Variants in LRRC8A observed in about 807,000 individuals in gnomAD.
The protein encoded by LRRC8A is volume-regulated anion channel subunit LRRC8A.
In LRRC8A, 24 loss-of-function variants were observed where a neutral mutation model predicts 52.5. The observed-to-expected ratio is 0.46, with a 90% confidence interval of 0.33 to 0.64. The LOEUF is 0.64. Ranked by LOEUF, LRRC8A falls within the 30% of genes least tolerant of loss-of-function variation. The probability of loss-of-function intolerance (pLI) is 0.02; values close to 1 mark genes in which losing one functional copy is unlikely to be tolerated. For missense variants in LRRC8A, 677 were observed against 1,094.7 expected, an observed-to-expected ratio of 0.62 and a Z score of 5.38; for synonymous variants, 492 against 494.2, an observed-to-expected ratio of 1.00 and a Z score of 0.06.
intron 1 of LRRC8A, among the ~76,000 whole-genome samples, chr9:128,883,736 A>C (rs1458107145): frequency 6.6e-6 from 1 of 152,110 alleles, no homozygotes; most frequent in African/African-American, 2.4e-5. Flanking sequence ...GCACGTTGGG[A>C]GGCTGAAGCG....
In LRRC8A at chr9:128,908,549, C is replaced by T. The variant is rs766763754; in HGVS notation, c.1385C>T (p.Pro462Leu). 9.3e-6 allele frequency: 15 copies of T among 1,612,696 alleles called. No homozygotes were observed. Among genetic ancestry groups the T allele is most frequent in the South Asian group, 2.2e-5 (2 of 91,076 alleles). Residue 462 changes from proline (P) to leucine (L), a missense_variant, in exon 3 of 4, where the codon CCG becomes CTG. Physicochemically the swap from Pro to Leu is moderately conservative, Grantham distance 98 (BLOSUM62 -3). This residue lies in a region of LRRC8A where 422 missense variants were observed against 741.5 expected (regional missense o/e 0.57). Coordinates refer to ENST00000372600, the MANE Select transcript of LRRC8A (RefSeq NM_019594.4). ...GAGCTGATCCCCGACGTGACCATCC[C>T]GCCCAGCATTGCCCAGCTCACGGGC... Reference protein sequence around the residue: ...KLELIPDVTIPPSIAQLTGLK... With the variant: ...KLELIPDVTILPSIAQLTGLK...
chr9:128,908,745 G>A lies in LRRC8A; in HGVS notation c.1581G>A (p.Leu527=), dbSNP rs765931028. ...TLEELHLTGN[L]SAENNRYIVI... is the part of the protein sequence containing the mutation. ...AGGAGCTGCACCTGACGGGCAACCT[G>A]AGCGCGGAGAACAACCGCTACATCG... Residue 527 remains leucine, a synonymous_variant, in exon 3 of 4, where the codon CTG becomes CTA. Transcript: ENST00000372600. The A allele has an allele frequency of 7.4e-6, 12 of 1,613,128 alleles. No individual in the cohort carries two copies. Among genetic ancestry groups the A allele is most frequent in the Non-Finnish European group, 1.0e-5 (12 of 1,180,048 alleles).
chr9:128,909,740 C>T (rs1343757120), intron 3 of LRRC8A, among the ~76,000 whole-genome samples: 3 of 152,196 alleles, frequency 2.0e-5, no homozygotes, highest in Non-Finnish European at 2.9e-5. Flanking sequence ...TTGTGTCTTC[C>T]TCAGCTTGTT....
chr9:128,882,428 G>A (rs1478752858), intron 1 of LRRC8A, 178 bp downstream of exon 1: 3 of 323,270 alleles, frequency 9.3e-6, no homozygotes, highest in Non-Finnish European at 1.7e-5. Flanking sequence ...CCAGTGCCCG[G>A]AGTCTCCGGG....
Position 128,914,755 on chromosome 9 carries a change from C to T in LRRC8A, c.2158-1341C>T, listed in dbSNP as rs73670001. ...CCATCCCATCTGAAGGAGGCAGCCT[C>T]GGGACGGGCAGGCTCAACTCATGGC... On this transcript the variant is annotated intron_variant, in intron 3 of 3. Transcript: ENST00000372600. Among the ~76,000 whole-genome samples, 1,231 of 152,316 alleles carry T rather than the reference C, an allele frequency of 8.1e-3. 12 individuals are homozygous for T. The highest frequency in any genetic ancestry group is 0.028 in the African/African-American group (1,182 of 41,570).
At chr9:128,914,034 G>A (rs1270696678) in intron 3 of LRRC8A, among the ~76,000 whole-genome samples, 4 of 152,178 alleles carry the variant, frequency 2.6e-5, no homozygotes, top group Non-Finnish European at 4.4e-5. Context: ...ATGAAACCCC[G>A]TCTCTGCAAA....
Position 128,909,285 on chromosome 9 carries a change from G to A in LRRC8A, c.2121G>A (p.Leu707=). Residue 707 remains leucine, a synonymous_variant, in exon 3 of 4, where the codon CTG becomes CTA. Transcript: ENST00000372600. The part of the protein sequence containing the change: ...LTFLPADIGL[L]QNLQNLAITA... ...TCCTCCCTGCCGACATCGGCCTCCTGCAGAACCTCCAGAACCTAGCCATCA... is the reference window on the plus strand; with the variant it reads ...TCCTCCCTGCCGACATCGGCCTCCTACAGAACCTCCAGAACCTAGCCATCA... 1.9e-6 allele frequency: 3 copies of A among 1,613,734 alleles called. No individual in the cohort carries two copies. In the South Asian group the frequency reaches 3.3e-5, roughly 18 times the overall value.
intron 2 of LRRC8A, among the ~76,000 whole-genome samples, chr9:128,887,218 G>T (rs1253703408): frequency 1.3e-5 from 2 of 152,070 alleles, no homozygotes; most frequent in Non-Finnish European, 2.9e-5. Flanking sequence ...GAGTGCAGTG[G>T]CACCATCATG....
chr9:128,910,515 A>T (rs1161667004), intron 3 of LRRC8A, among the ~76,000 whole-genome samples: 1 of 152,162 alleles, frequency 6.6e-6, no homozygotes, highest in Non-Finnish European at 1.5e-5. Flanking sequence ...CAACATAGGG[A>T]AACCCCATCT....
At chr9:128,884,746 C>T (rs1225963786) in intron 1 of LRRC8A, among the ~76,000 whole-genome samples, 2 of 152,086 alleles carry the variant, frequency 1.3e-5, no homozygotes, top group Non-Finnish European at 2.9e-5. Context: ...TCAGTGGGTG[C>T]CCCATCCTTG....
At chr9:128,913,548 C>T (rs1486200606) in intron 3 of LRRC8A, among the ~76,000 whole-genome samples, 1 of 152,030 alleles carries the variant, frequency 6.6e-6, no homozygotes, top group Non-Finnish European at 1.5e-5. Context: ...AGAGTACCTC[C>T]CCTTTTCTCT....
chr9:128,910,256 G>A (rs1840451791), intron 3 of LRRC8A, among the ~76,000 whole-genome samples: 1 of 152,232 alleles, frequency 6.6e-6, no homozygotes, highest in Admixed American at 6.5e-5. Context: ...GAGACATGTG[G>A]TGGAGGAAGC....
At chr9:128,901,505 C>T (rs917995058) in intron 2 of LRRC8A, among the ~76,000 whole-genome samples, 1 of 152,072 alleles carries the variant, frequency 6.6e-6, no homozygotes, top group Non-Finnish European at 1.5e-5. Context: ...TACATGCCTA[C>T]AGTCCAGCTA....
At chr9:128,910,813 G>A (rs768159868) in intron 3 of LRRC8A, among the ~76,000 whole-genome samples, 5 of 152,208 alleles carry the variant, frequency 3.3e-5, no homozygotes, top group South Asian at 2.1e-4. Context: ...TATAAAAAGC[G>A]TGCAGCTCAT....
At chr9:128,901,172 C>CA (rs891080446) in intron 2 of LRRC8A, among the ~76,000 whole-genome samples, 8 of 148,918 alleles carry the variant, frequency 5.4e-5, no homozygotes, top group South Asian at 4.3e-4. Context: ...GACTCCATCT[C>CA]AAAAAAAACA....
At position 128,908,604 on chromosome 9, in the gene LRRC8A, G is replaced by A. The variant is rs143120279; in HGVS notation, c.1440G>A (p.Ala480=). 1.1e-4 allele frequency: 180 copies of A among 1,612,524 alleles called. No individual in the cohort carries two copies. In the East Asian group the frequency reaches 3.0e-3, roughly 27 times the overall value. Residue 480 remains alanine, a synonymous_variant, in exon 3 of 4, where the codon GCG becomes GCA. Coordinates refer to ENST00000372600, the MANE Select transcript of LRRC8A (RefSeq NM_019594.4). ...AGGAGCTGTGGCTCTACCACACAGC[G>A]GCCAAGATTGAAGCGCCCGCGCTGG... is the stretch of plus-strand genomic sequence containing the variant. ...GLKELWLYHT[A]AKIEAPALAF... is the part of the protein sequence containing the mutation.
At chr9:128,900,346 G>T (rs1466204037) in intron 2 of LRRC8A, among the ~76,000 whole-genome samples, 1 of 152,238 alleles carries the variant, frequency 6.6e-6, no homozygotes, top group East Asian at 1.9e-4. Context: ...TTCACTAGGT[G>T]CTGAGGAGGT....
chr9:128,904,997 C>CAAAAA (rs770042979), intron 2 of LRRC8A, among the ~76,000 whole-genome samples: 17 of 29,834 alleles, frequency 5.7e-4, no homozygotes, highest in African/African-American at 1.5e-3. Flanking sequence ...GACTCCGTCT[C>CAAAAA]AAAAAAAAAA....
In LRRC8A at chr9:128,908,888, A is replaced by G. The variant is rs913507858; in HGVS notation, c.1724A>G (p.Asn575Ser). The G allele has an allele frequency of 5.0e-6, 8 of 1,613,802 alleles. No individual in the cohort carries two copies. In the African/African-American group the frequency reaches 8.0e-5, roughly 16 times the overall value. Residue 575 changes from asparagine to serine, a missense_variant, in exon 3 of 4, where the codon AAC (asparagine) becomes AGC (serine). Coordinates refer to ENST00000372600, the MANE Select transcript of LRRC8A (RefSeq NM_019594.4). The part of the protein sequence containing the change: ...VGVHLQKLSI[N>S]NEGTKLIVLN... ...GTGCACCTGCAGAAGCTGTCCATCAACAATGAGGGCACCAAGCTCATCGTC... is the reference window on the plus strand; with the variant it reads ...GTGCACCTGCAGAAGCTGTCCATCAGCAATGAGGGCACCAAGCTCATCGTC...
Sources: gnomAD v4.1 joint callset for allele counts (sites outside exome capture counted in the v4.1 genomes callset) on GRCh38, gnomAD v4.1.1 for gene constraint, gnomAD v4.1.1 regional missense constraint, MANE v1.5 for transcripts, NCBI Gene and HGNC (gene_info 2026-07-23, HGNC 2026-07-21) for gene names.